CTCF: variants seen among roughly 807,000 people sequenced by gnomAD.
The protein encoded by CTCF is transcriptional repressor CTCF.
In CTCF, 7 loss-of-function variants were observed where a neutral mutation model predicts 72.3. The observed-to-expected ratio is 0.10, with a 90% CI of 0.06 to 0.18. The LOEUF is 0.18. Among genes scored for constraint, CTCF ranks in the 10% least tolerant of loss-of-function variants. CTCF has a pLI of 1.00. For missense variants in CTCF, 516 were observed against 949.1 expected (o/e 0.54, Z 6.00); for synonymous variants, 374 against 315.8 (o/e 1.18, Z -1.95).
chr16:67,596,589 T>A (rs1273336627), intron 2 of CTCF, among the ~76,000 whole-genome samples: 1 of 151,926 alleles, frequency 6.6e-6, no homozygotes. Flanking sequence ...TATTTTATTT[T>A]ATTTATTTAT....
At chr16:67,594,475 A>G (rs1597698552) in intron 2 of CTCF, among the ~76,000 whole-genome samples, 1 of 150,198 alleles carries the variant, frequency 6.7e-6, no homozygotes, top group Non-Finnish European at 1.5e-5. Flanking sequence ...ATGAAGTGGG[A>G]GGATCCCTTG....
intron 2 of CTCF, among the ~76,000 whole-genome samples, chr16:67,593,953 T>C (rs992699352): frequency 1.2e-4 from 18 of 152,190 alleles, no homozygotes; most frequent in Non-Finnish European, 2.9e-5. Context: ...GGAAATTGTC[T>C]GACATATTTG....
chr16:67,566,893 T>G (rs1465225742), intron 1 of CTCF, among the ~76,000 whole-genome samples: 1 of 149,656 alleles, frequency 6.7e-6, no homozygotes, highest in African/African-American at 2.5e-5. Context: ...TTGTTTGTTT[T>G]AAGACAGGGT....
chr16:67,582,237 A>T (rs1215834812), intron 2 of CTCF, among the ~76,000 whole-genome samples: 2 of 151,526 alleles, frequency 1.3e-5, no homozygotes, highest in African/African-American at 4.9e-5. Context: ...ATCTTCTGTT[A>T]CTTCAAATTA....
At chr16:67,620,211 C>CT (rs111872894) in intron 5 of CTCF, among the ~76,000 whole-genome samples, 10,812 of 151,436 alleles carry the variant, frequency 0.071, 522 homozygotes, top group African/African-American at 0.13. Flanking sequence ...AATGCGCAGT[C>CT]TTTTTTTTTG....
chr16:67,607,867 A>T (rs911570438), intron 2 of CTCF, among the ~76,000 whole-genome samples: 6 of 150,954 alleles, frequency 4.0e-5, no homozygotes, highest in African/African-American at 7.3e-5. Flanking sequence ...AAAATACAGA[A>T]AATTAGCCAG....
intron 2 of CTCF, among the ~76,000 whole-genome samples, chr16:67,591,620 A>G (rs1646000419): frequency 6.6e-6 from 1 of 152,206 alleles, no homozygotes; most frequent in Admixed American, 6.5e-5. Context: ...CTTTTACTCT[A>G]AAAGAGTTAA....
intron 2 of CTCF, among the ~76,000 whole-genome samples, chr16:67,587,998 C>G (rs777067608): frequency 1.1e-4 from 17 of 152,054 alleles, no homozygotes; most frequent in Non-Finnish European, 2.4e-4. Flanking sequence ...GCTGGGATTT[C>G]AGGCGCCCAC....
chr16:67,605,504 A>C (rs1048276197), intron 2 of CTCF, among the ~76,000 whole-genome samples: 1 of 152,202 alleles, frequency 6.6e-6, no homozygotes, highest in African/African-American at 2.4e-5. Context: ...AAGGTAATGG[A>C]AGAATAAACC....
chr16:67,600,632 C>T (rs2051874013), intron 2 of CTCF, among the ~76,000 whole-genome samples: 13 of 152,236 alleles, frequency 8.5e-5, no homozygotes, highest in Admixed American at 7.8e-4. Flanking sequence ...ACTTCAGCCT[C>T]CCAAAGTGCT....
In CTCF at chr16:67,601,462, C is replaced by T. The variant is rs561315056; in HGVS notation, c.-9-9362C>T. Among the ~76,000 whole-genome samples, 12 of 151,912 alleles carry T rather than the reference C, an allele frequency of 7.9e-5. No individual in the cohort carries two copies. The East Asian group carries it at 2.1e-3, about 27-fold the overall frequency. ...CATGCCATTCTCCCACCTCAGCCTT[C>T]CCAGTAGCTGGGACTACAGGCGCCT... On this transcript the variant is annotated intron_variant, in intron 2 of 11. Transcript: ENST00000264010.
chr16:67,564,504 C>T (rs2051318430), intron 1 of CTCF, among the ~76,000 whole-genome samples: 1 of 152,198 alleles, frequency 6.6e-6, no homozygotes, highest in Admixed American at 6.5e-5. Context: ...TCCTGCCACC[C>T]CTCTTCCTCA....
intron 7 of CTCF, among the ~76,000 whole-genome samples, chr16:67,625,743 A>G (rs1272699629): frequency 6.6e-6 from 1 of 151,756 alleles, no homozygotes; most frequent in Non-Finnish European, 1.5e-5. Context: ...CTGCTTTTAT[A>G]TCTCTGGCAT....
Position 67,610,963 on chromosome 16 carries a change from A to G in CTCF, c.131A>G (p.Gln44Arg), listed in dbSNP as rs766320761. Reference sequence around the variant, plus strand: ...GATGCCTGCCACTTACCCCAGAACCAGACGGATGGGGGTGAGGTGGTCCAG... The same window carrying G: ...GATGCCTGCCACTTACCCCAGAACCGGACGGATGGGGGTGAGGTGGTCCAG... ...EEDACHLPQN[Q>R]TDGGEVVQDV... Residue 44 changes from glutamine to arginine, a missense_variant, in exon 3 of 12, where the codon CAG (glutamine) becomes CGG (arginine). This residue lies in a region of CTCF where 148 missense variants were observed against 194.9 expected (regional missense o/e 0.76). Transcript: ENST00000264010. The G allele has an allele frequency of 4.7e-5, 75 of 1,593,494 alleles. No homozygotes were observed. Among genetic ancestry groups the G allele is most frequent in the Non-Finnish European group, 1.4e-5 (16 of 1,164,450 alleles).
In CTCF at chr16:67,616,793, G is replaced by C; in HGVS notation, c.1001G>C (p.Ser334Thr). 6.2e-7 allele frequency: 1 copy of C among 1,614,156 alleles called. No homozygotes were observed. Among genetic ancestry groups the C allele is most frequent in the South Asian group, 1.1e-5 (1 of 91,080 alleles). ...GACTGCGACATGGCCTTTGTGACCA[G>C]TGGAGAATTGGTTCGGCATCGTCGT... ...CPDCDMAFVT[S>T]GELVRHRRYK... The change falls in exon 5 of 12, where the codon AGT becomes ACT. Residue 334 changes from serine to threonine, a missense_variant. Transcript: ENST00000264010.
intron 2 of CTCF, among the ~76,000 whole-genome samples, chr16:67,596,831 C>T (rs2051822084): frequency 6.6e-6 from 1 of 152,106 alleles, no homozygotes; most frequent in Admixed American, 6.6e-5. Flanking sequence ...AGGGAATCCA[C>T]CCACCTTGGC....
At chr16:67,604,408 T>C (rs1363237018) in intron 2 of CTCF, among the ~76,000 whole-genome samples, 1 of 152,158 alleles carries the variant, frequency 6.6e-6, no homozygotes, top group Non-Finnish European at 1.5e-5. Context: ...AGTGGCGCGA[T>C]CTTGGCTCAT....
intron 5 of CTCF, among the ~76,000 whole-genome samples, chr16:67,620,206 G>A (rs956675831): frequency 6.7e-6 from 1 of 150,002 alleles, no homozygotes; most frequent in African/African-American, 2.5e-5. Flanking sequence ...CTAGTAATGC[G>A]CAGTCTTTTT....
chr16:67,624,817 C>A (rs1409193037), intron 7 of CTCF, among the ~76,000 whole-genome samples: 1 of 151,870 alleles, frequency 6.6e-6, no homozygotes, highest in East Asian at 1.9e-4. Flanking sequence ...TGGTCTCGTA[C>A]TCCTGGACTC....
Sources: allele counts gnomAD v4.1 joint callset (sites outside exome capture counted in the v4.1 genomes callset), GRCh38; gene constraint gnomAD v4.1.1; regional missense constraint gnomAD v4.1.1; transcripts MANE v1.5; gene names NCBI Gene and HGNC (gene_info 2026-07-23, HGNC 2026-07-21).